TTC17: variants seen among roughly 807,000 people sequenced by gnomAD.
TTC17 encodes the protein tetratricopeptide repeat domain 17, also known as tetratricopeptide repeat protein 17.
TTC17 carries 58 observed loss-of-function variants against 143.8 expected under a neutral mutation model. That is an observed-to-expected ratio of 0.40 (90% CI 0.33 to 0.50). TTC17 has a LOEUF of 0.50. Ranked by LOEUF, TTC17 falls within the 20% of genes least tolerant of loss-of-function variation. TTC17 has a pLI of 0.49. For synonymous variants in TTC17, 501 were observed against 497.8 expected (o/e 1.01, Z -0.09); for missense variants, 1,273 against 1,392.5 (o/e 0.91, Z 1.37).
intron 15 of TTC17, among the ~76,000 whole-genome samples, chr11:43,412,158 A>G (rs975493313): frequency 6.6e-6 from 1 of 152,192 alleles, no homozygotes; most frequent in Non-Finnish European, 1.5e-5. Context: ...ATTGGAAAAT[A>G]GCATACAAAG....
chr11:43,389,603 G>C, intron 2 of TTC17, 49 bp from the exon 3 acceptor site: 1 of 1,527,242 alleles, frequency 6.5e-7, no homozygotes, highest in Non-Finnish European at 8.8e-7. Flanking sequence ...ATGGTAGTTA[G>C]ACTAAAATAT....
rs1857635946 is a variant in TTC17 at position 43,397,339 on chromosome 11, T to C, written c.774-8T>C. On this transcript the variant is annotated splice_polypyrimidine_tract_variant and splice_region_variant and intron_variant, in intron 6 of 23. Transcript: ENST00000039989. ...ACATAATCATGGAATATGTGCTGCTTTCCTTAGGCACAATAAAGACATTGC... is the reference window on the plus strand; with the variant it reads ...ACATAATCATGGAATATGTGCTGCTCTCCTTAGGCACAATAAAGACATTGC... 6.2e-7 allele frequency: 1 copy of C among 1,604,492 alleles called. No individual in the cohort carries two copies. The highest frequency in any genetic ancestry group is 8.5e-7 in the Non-Finnish European group (1 of 1,177,812).
chr11:43,411,366 T>C (rs961595179), intron 15 of TTC17, among the ~76,000 whole-genome samples: 1 of 152,174 alleles, frequency 6.6e-6, no homozygotes, highest in Non-Finnish European at 1.5e-5. Context: ...TGAAGTCTTA[T>C]GAATACTAAC....
Position 43,492,005 on chromosome 11 carries a change from T to C in TTC17, c.3151-15T>C. 1 of 1,612,200 alleles carries C rather than the reference T, an allele frequency of 6.2e-7. No individual in the cohort carries two copies. The highest frequency in any genetic ancestry group is 8.5e-7 in the Non-Finnish European group (1 of 1,179,096). On this transcript the variant is annotated splice_polypyrimidine_tract_variant and intron_variant, in intron 22 of 23. Transcript: ENST00000039989. Reference sequence around the variant, plus strand: ...ACCCAATTTTCCCTTCTCACCATTCTCCTTCTTCTCCCAGGATGTGCCCCT... The same window carrying C: ...ACCCAATTTTCCCTTCTCACCATTCCCCTTCTTCTCCCAGGATGTGCCCCT...
At chr11:43,392,493 G>T (rs1385697237) in intron 5 of TTC17, among the ~76,000 whole-genome samples, 1 of 152,196 alleles carries the variant, frequency 6.6e-6, no homozygotes, top group Non-Finnish European at 1.5e-5. Flanking sequence ...TGCCTAAAGA[G>T]TATCATAAAA....
At chr11:43,467,708 G>A (rs1353518485) in intron 21 of TTC17, among the ~76,000 whole-genome samples, 2 of 152,118 alleles carry the variant, frequency 1.3e-5, no homozygotes, top group African/African-American at 2.4e-5. Context: ...AGTCACAGCA[G>A]AAAAGATGAA....
Position 43,469,273 on chromosome 11 carries a change from A to G in TTC17, c.3030+18008A>G, listed in dbSNP as rs144099484. Among the ~76,000 whole-genome samples the G allele has an allele frequency of 7.8e-3, 1,182 of 152,302 alleles. 10 individuals are homozygous for G. The highest frequency in any genetic ancestry group is 0.013 in the Non-Finnish European group (918 of 68,026). On this transcript the variant is annotated intron_variant, in intron 21 of 23. Coordinates refer to ENST00000039989, the MANE Select transcript of TTC17 (RefSeq NM_018259.6). ...GGAACCCTCATATGTTGCTAGTGGGAGTAGAAAATAATATGATTATTTTGG... is the reference window on the plus strand; with the variant it reads ...GGAACCCTCATATGTTGCTAGTGGGGGTAGAAAATAATATGATTATTTTGG...
chr11:43,443,998 A>T, intron 17 of TTC17, 58 bp from the exon 18 acceptor site: 1 of 1,530,902 alleles, frequency 6.5e-7, no homozygotes, highest in Non-Finnish European at 8.8e-7. Flanking sequence ...GTATTCACAA[A>T]TCATTGACAG....
chr11:43,427,454 T>A (rs1947055287), intron 16 of TTC17, among the ~76,000 whole-genome samples: 1 of 152,236 alleles, frequency 6.6e-6, no homozygotes, highest in Admixed American at 6.5e-5. Flanking sequence ...TACCAAATCT[T>A]GGTACCAAAT....
chr11:43,490,436 C>T, intron 22 of TTC17, 78 bp downstream of exon 22: 1 of 1,474,436 alleles, frequency 6.8e-7, no homozygotes, highest in Admixed American at 2.0e-5. Context: ...CCCTTTGAAC[C>T]AGCCTCCCTC....
chr11:43,487,059 GA>G, intron 21 of TTC17, among the ~76,000 whole-genome samples: 1 of 152,178 alleles, frequency 6.6e-6, no homozygotes, highest in South Asian at 2.1e-4. Context: ...GAAAAAAGAA[GA>G]AATTATATAT....
At chr11:43,370,977 G>C (rs1217194736) in intron 1 of TTC17, among the ~76,000 whole-genome samples, 3 of 137,558 alleles carry the variant, frequency 2.2e-5, no homozygotes, top group Non-Finnish European at 4.6e-5. Flanking sequence ...TCTAAAAACT[G>C]TTTTTGTAGA....
chr11:43,390,745 T>C (rs1478209925), intron 3 of TTC17, among the ~76,000 whole-genome samples: 1 of 151,612 alleles, frequency 6.6e-6, no homozygotes, highest in African/African-American at 2.4e-5. Flanking sequence ...CCAATAAACA[T>C]GGAAAAAAAT....
At chr11:43,436,723 T>G (rs16937500) in intron 16 of TTC17, among the ~76,000 whole-genome samples, 5,419 of 152,308 alleles carry the variant, frequency 0.036, 116 homozygotes, top group Middle Eastern at 0.051. Flanking sequence ...TGAGCTATAT[T>G]GTACTAAACA....
At chr11:43,489,905 T>C (rs145483183) in intron 21 of TTC17, 1 of 160,444 alleles carries the variant, frequency 6.2e-6, no homozygotes, top group African/African-American at 2.4e-5. Context: ...TTGAAACGTG[T>C]GACTGTGTTA....
chr11:43,474,092 A>G (rs893811965), intron 21 of TTC17, among the ~76,000 whole-genome samples: 2 of 152,246 alleles, frequency 1.3e-5, no homozygotes, highest in Non-Finnish European at 1.5e-5. Flanking sequence ...CAAATTGGAA[A>G]CAACCCAAAT....
chr11:43,397,864 A>G (rs1857667948), intron 7 of TTC17, 110 bp from the exon 8 acceptor site: 3 of 1,439,868 alleles, frequency 2.1e-6, no homozygotes, highest in Non-Finnish European at 9.4e-7. Context: ...GAGGATTTGG[A>G]CAGATGCAAC....
intron 16 of TTC17, among the ~76,000 whole-genome samples, chr11:43,441,289 A>C (rs971580384): frequency 2.6e-5 from 4 of 151,630 alleles, no homozygotes; most frequent in African/African-American, 9.7e-5. Context: ...AAAAAAAAAA[A>C]AGTCCCTATG....
intron 16 of TTC17, among the ~76,000 whole-genome samples, chr11:43,433,274 C>T (rs528346985): frequency 2.6e-5 from 4 of 152,210 alleles, no homozygotes; most frequent in Middle Eastern, 3.2e-3. Context: ...GCTGGAATTA[C>T]AGGCGTGAGC....
Sources: allele counts gnomAD v4.1 joint callset (sites outside exome capture counted in the v4.1 genomes callset), GRCh38; gene constraint gnomAD v4.1.1; transcripts MANE v1.5; gene names NCBI Gene and HGNC (gene_info 2026-07-23, HGNC 2026-07-21).